DCPS: variants seen among roughly 807,000 people sequenced by gnomAD.
The protein encoded by DCPS is decapping enzyme, scavenger, also known as m7GpppX diphosphatase.
In DCPS, 27 loss-of-function variants were observed where a neutral mutation model predicts 34.7. The observed-to-expected ratio is 0.78, with a 90% CI of 0.57 to 1.07. DCPS has a LOEUF of 1.07. DCPS is among the 50% of genes least tolerant of loss of function. The pLI is 0.00. For synonymous variants in DCPS, 185 were observed against 185.7 expected (o/e 1.00, Z 0.03); for missense variants, 464 against 436.9 (o/e 1.06, Z -0.55).
In DCPS at chr11:126,331,328, TCTCTC is replaced by T; in HGVS notation, c.377-73_377-69del. ...AGGGAATCAAAGCCAGGGTGGGAGTTCTCTCCTCACCGTGGTGCCTGTGGCATAGA... is the reference window on the plus strand; with the variant it reads ...AGGGAATCAAAGCCAGGGTGGGAGTTCTCACCGTGGTGCCTGTGGCATAGA... On this transcript the variant is annotated intron_variant, in intron 2 of 5. Coordinates refer to ENST00000263579, the MANE Select transcript of DCPS (RefSeq NM_014026.6). This position sits in a 1 kb window ranked among gnomAD's most constrained non-coding sequence, Gnocchi z 7.2. 1 of 1,563,122 alleles carries T rather than the reference TCTCTC, an allele frequency of 6.4e-7. No homozygotes were observed. The highest frequency in any genetic ancestry group is 8.7e-7 in the Non-Finnish European group (1 of 1,152,534).
chr11:126,335,310 G>T lies in DCPS; in HGVS notation c.523-2976G>T, dbSNP rs1264353393. ...GCAAAGAAGTCCAGCCAGGTGAGTT[G>T]CAGAAAGCTGATGGCATCACCCTCT... On this transcript the variant is annotated intron_variant, in intron 3 of 5. Transcript: ENST00000263579. This position sits in a 1 kb window ranked among gnomAD's most constrained non-coding sequence, Gnocchi z 4.8. Among the ~76,000 whole-genome samples the T allele has an allele frequency of 6.6e-6, 1 of 152,274 alleles. No homozygotes were observed. Among genetic ancestry groups the T allele is most frequent in the African/African-American group, 2.4e-5 (1 of 41,478 alleles).
At position 126,327,835 on chromosome 11, in the gene DCPS, TGG is replaced by T. The variant is rs888883249; in HGVS notation, c.377-3567_377-3566del. Among the ~76,000 whole-genome samples the T allele has an allele frequency of 9.2e-5, 14 of 152,244 alleles. No homozygotes were observed. Among genetic ancestry groups the T allele is most frequent in the Non-Finnish European group, 1.3e-4 (9 of 68,046 alleles). ...GTATGCCAGGCACTATTCCAGGTGC[TGG>T]GGACAAATTGTTTTCTTCCGGAAGC... On this transcript the variant is annotated intron_variant, in intron 2 of 5. Coordinates refer to ENST00000263579, the MANE Select transcript of DCPS (RefSeq NM_014026.6). The surrounding 1 kb of genome is among the most constrained non-coding windows in gnomAD (Gnocchi z 4.1).
chr11:126,309,947 A>T (rs1671791025), intron 2 of DCPS, among the ~76,000 whole-genome samples: 2 of 152,070 alleles, frequency 1.3e-5, no homozygotes. Context: ...CCCCTGTGAA[A>T]ATGAAAATAT....
chr11:126,311,535 A>G (rs747870231), intron 2 of DCPS, among the ~76,000 whole-genome samples: 1 of 152,224 alleles, frequency 6.6e-6, no homozygotes, highest in African/African-American at 2.4e-5. Flanking sequence ...CCAGGGCTCT[A>G]GGAGGGCTCT....
chr11:126,345,285 G>A lies in DCPS; in HGVS notation c.748-62G>A. On this transcript the variant is annotated intron_variant, in intron 5 of 5. Coordinates refer to ENST00000263579, the MANE Select transcript of DCPS (RefSeq NM_014026.6). This position sits in a 1 kb window ranked among gnomAD's most constrained non-coding sequence, Gnocchi z 7.4. ...CAGATGGGAGGAGGGTCTAGGTGGG[G>A]ACATGGCGCCGGGCCTCAGGCAGCA... 2 of 1,593,562 alleles carry A rather than the reference G, an allele frequency of 1.3e-6. No homozygotes were observed. The highest frequency in any genetic ancestry group is 8.5e-7 in the Non-Finnish European group (1 of 1,170,734).
chr11:126,328,584 C>T lies in DCPS; in HGVS notation c.377-2821C>T, dbSNP rs1229708904. On this transcript the variant is annotated intron_variant, in intron 2 of 5. Coordinates refer to ENST00000263579, the MANE Select transcript of DCPS (RefSeq NM_014026.6). The surrounding 1 kb of genome is among the most constrained non-coding windows in gnomAD (Gnocchi z 6.6). ...GCTGGGGCAGGTCTCCCACAGGCCT[C>T]GGCAGACCAGGGCATGCTCACAGGC... Among the ~76,000 whole-genome samples the T allele has an allele frequency of 2.6e-5, 4 of 152,150 alleles. No individual in the cohort carries two copies. Among genetic ancestry groups the T allele is most frequent in the Admixed American group, 2.6e-4 (4 of 15,272 alleles).
Position 126,346,688 on chromosome 11 carries a change from G to A in DCPS, c.*1075G>A. ...GGGAAGCTCTCAGGGATGGCAGGAT[G>A]GCAGGCTCCTAAGTGACAGCAGGGG... On this transcript the variant is annotated 3_prime_UTR_variant, in exon 6 of 6. Transcript: ENST00000263579. This position sits in a 1 kb window ranked among gnomAD's most constrained non-coding sequence, Gnocchi z 4.1. Among the ~76,000 whole-genome samples the A allele has an allele frequency of 6.6e-6, 1 of 152,126 alleles. No individual in the cohort carries two copies. Among genetic ancestry groups the A allele is most frequent in the Admixed American group, 6.5e-5 (1 of 15,274 alleles).
chr11:126,339,220 G>C (rs1196962075), intron 4 of DCPS, among the ~76,000 whole-genome samples: 1 of 152,220 alleles, frequency 6.6e-6, no homozygotes, highest in Non-Finnish European at 1.5e-5. Context: ...AGGCAGGCAG[G>C]CATGGGTGCT....
chr11:126,324,629 CTTTTTT>C (rs58091804), intron 2 of DCPS, among the ~76,000 whole-genome samples: 4 of 99,954 alleles, frequency 4.0e-5, no homozygotes, highest in African/African-American at 1.7e-4. Context: ...ATTTTTCTGC[CTTTTTT>C]TTTTTTTTTT....
Position 126,349,554 on chromosome 11 carries a change from T to C in DCPS, c.*3941T>C, listed in dbSNP as rs888341032. Among the ~76,000 whole-genome samples the C allele has an allele frequency of 6.6e-6, 1 of 152,246 alleles. No individual in the cohort carries two copies. The highest frequency in any genetic ancestry group is 1.5e-5 in the Non-Finnish European group (1 of 68,044). Reference sequence around the variant, plus strand: ...CAGAAAAATACCATCTCAGGCTCCATATTCCATGTCCCTGTTGAATACAGA... The same window carrying C: ...CAGAAAAATACCATCTCAGGCTCCACATTCCATGTCCCTGTTGAATACAGA... On this transcript the variant is annotated 3_prime_UTR_variant, in exon 6 of 6. Coordinates refer to ENST00000263579, the MANE Select transcript of DCPS (RefSeq NM_014026.6). This position sits in a 1 kb window ranked among gnomAD's most constrained non-coding sequence, Gnocchi z 5.4.
intron 2 of DCPS, among the ~76,000 whole-genome samples, chr11:126,317,844 T>C (rs1310130575): frequency 6.6e-6 from 1 of 152,208 alleles, no homozygotes; most frequent in Admixed American, 6.5e-5. Flanking sequence ...CCTGACACAT[T>C]GCACATTAGC....
At chr11:126,309,205 T>G (rs1951600381) in intron 2 of DCPS, among the ~76,000 whole-genome samples, 3 of 152,104 alleles carry the variant, frequency 2.0e-5, no homozygotes, top group Non-Finnish European at 4.4e-5. Flanking sequence ...TTTGTATTTT[T>G]AATAGAGATG....
chr11:126,319,145 ATG>A lies in DCPS; in HGVS notation c.377-12259_377-12258del, dbSNP rs1951684707. Among the ~76,000 whole-genome samples, 1 of 152,122 alleles carries A rather than the reference ATG, an allele frequency of 6.6e-6. No homozygotes were observed. The highest frequency in any genetic ancestry group is 2.1e-4 in the South Asian group (1 of 4,818). On this transcript the variant is annotated intron_variant, in intron 2 of 5. Transcript: ENST00000263579. The surrounding 1 kb of genome is among the most constrained non-coding windows in gnomAD (Gnocchi z 4.5). ...TCTGAGTTGCAGAGAGAAGGAACAT[ATG>A]CCTAGAGGGGCGCTTTTCAGCTGGA...
At chr11:126,305,898 G>T (rs911559651) in intron 1 of DCPS, among the ~76,000 whole-genome samples, 2 of 152,172 alleles carry the variant, frequency 1.3e-5, no homozygotes, top group African/African-American at 4.8e-5. Context: ...CCTAGGTTCT[G>T]GTTTCTGTTT....
chr11:126,310,290 T>G (rs1210680144), intron 2 of DCPS, among the ~76,000 whole-genome samples: 1 of 152,224 alleles, frequency 6.6e-6, no homozygotes, highest in Non-Finnish European at 1.5e-5. Context: ...AATAAAGCCC[T>G]CCTTGACATC....
chr11:126,345,378 G>C lies in DCPS; in HGVS notation c.779G>C (p.Gly260Ala), dbSNP rs201486424. The change falls in exon 6 of 6, where the codon GGA becomes GCA. Residue 260 changes from glycine to alanine, a missense_variant. Gly to Ala is a moderately conservative substitution (Grantham distance 60). Coordinates refer to ENST00000263579, the MANE Select transcript of DCPS (RefSeq NM_014026.6). The surrounding 1 kb of genome is among the most constrained non-coding windows in gnomAD (Gnocchi z 7.4). Reference sequence around the variant, plus strand: ...ATCCTGCAGCGCTACCGGATGAAGGGAGACCATCTGCGAGTATACCTGCAC... The same window carrying C: ...ATCCTGCAGCGCTACCGGATGAAGGCAGACCATCTGCGAGTATACCTGCAC... ...EAILQRYRMK[G>A]DHLRVYLHYL... The C allele has an allele frequency of 6.2e-7, 1 of 1,614,110 alleles. No homozygotes were observed. The highest frequency in any genetic ancestry group is 1.7e-5 in the Admixed American group (1 of 60,028).
rs1479473411 is a variant in DCPS at position 126,322,496 on chromosome 11, T to G, written c.377-8909T>G. Among the ~76,000 whole-genome samples, 1 of 151,966 alleles carries G rather than the reference T, an allele frequency of 6.6e-6. No individual in the cohort carries two copies. Among genetic ancestry groups the G allele is most frequent in the Admixed American group, 6.6e-5 (1 of 15,248 alleles). On this transcript the variant is annotated intron_variant, in intron 2 of 5. Coordinates refer to ENST00000263579, the MANE Select transcript of DCPS (RefSeq NM_014026.6). The surrounding 1 kb of genome is among the most constrained non-coding windows in gnomAD (Gnocchi z 4.2). The stretch of plus-strand genomic sequence containing the variant: ...CCAAGTTGGTCTTGAACTCCTGACC[T>G]CAGGTGATCTGCCTGCCTGAACCTC...
rs1156907573 is a variant in DCPS, at chr11:126,331,865, G to T, written c.522+315G>T. On this transcript the variant is annotated intron_variant, in intron 3 of 5. Coordinates refer to ENST00000263579, the MANE Select transcript of DCPS (RefSeq NM_014026.6). The surrounding 1 kb of genome is among the most constrained non-coding windows in gnomAD (Gnocchi z 7.2). Reference sequence around the variant, plus strand: ...GGCAATTGCCATTTTATATCGCATGGCGAGAGAAGGCTTTGGGGGTGGGGG... The same window carrying T: ...GGCAATTGCCATTTTATATCGCATGTCGAGAGAAGGCTTTGGGGGTGGGGG... Among the ~76,000 whole-genome samples the T allele has an allele frequency of 6.6e-6, 1 of 152,146 alleles. No individual in the cohort carries two copies. Among genetic ancestry groups the T allele is most frequent in the African/African-American group, 2.4e-5 (1 of 41,414 alleles).
At position 126,331,830 on chromosome 11, in the gene DCPS, G is replaced by C. The variant is rs548147048; in HGVS notation, c.522+280G>C. On this transcript the variant is annotated intron_variant, in intron 3 of 5. Coordinates refer to ENST00000263579, the MANE Select transcript of DCPS (RefSeq NM_014026.6). The surrounding 1 kb of genome is among the most constrained non-coding windows in gnomAD (Gnocchi z 7.2). ...TAGACAGGATAAGTGGGACCAGAAG[G>C]CCTGGGGCGGGCAATTGCCATTTTA... Among the ~76,000 whole-genome samples the C allele has an allele frequency of 2.0e-5, 3 of 152,316 alleles. No individual in the cohort carries two copies. The South Asian group carries it at 6.2e-4, about 32-fold the overall frequency.
Sources: gnomAD v4.1 joint callset for allele counts (sites outside exome capture counted in the v4.1 genomes callset) on GRCh38, gnomAD v4.1.1 for gene constraint, Gnocchi (gnomAD v3.1) non-coding constraint, MANE v1.5 for transcripts, NCBI Gene and HGNC (gene_info 2026-07-23, HGNC 2026-07-21) for gene names.